PLAAT4: variants seen among roughly 807,000 people sequenced by gnomAD.
PLAAT4 encodes the protein phospholipase A and acyltransferase 4.
A neutral mutation model predicts 14.1 loss-of-function variants in PLAAT4; 12 were observed. That is an observed-to-expected ratio of 0.85 (90% CI 0.54 to 1.37). The LOEUF is 1.37. PLAAT4 is among the 40% of genes most tolerant of loss of function. The pLI is 0.00. For synonymous variants in PLAAT4, 77 were observed against 79.8 expected (o/e 0.96, Z 0.19); for missense variants, 163 against 211.7 (o/e 0.77, Z 1.43).
chr11:63,538,391 C>T (rs1220714128), intron 1 of PLAAT4: 1 of 382,538 alleles, frequency 2.6e-6, no homozygotes, highest in Non-Finnish European at 5.2e-6. Flanking sequence ...GTCACAGAGG[C>T]AGGCATGGGG....
chr11:63,538,695 G>A (rs2017293441), intron 1 of PLAAT4, among the ~76,000 whole-genome samples: 1 of 152,124 alleles, frequency 6.6e-6, no homozygotes, highest in Non-Finnish European at 1.5e-5. Flanking sequence ...GGAAGAAGGT[G>A]GCCAAGACAG....
chr11:63,536,972 C>A, intron 1 of PLAAT4, 95 bp downstream of exon 1: 1 of 1,421,984 alleles, frequency 7.0e-7, no homozygotes, highest in Non-Finnish European at 9.6e-7. Context: ...CTTGGGCACA[C>A]AGCTCCAGAG....
At position 63,544,679 on chromosome 11, in the gene PLAAT4, G is replaced by A. The variant is rs780511760; in HGVS notation, c.177G>A (p.Glu59=). The change falls in exon 3 of 4, where the codon GAG becomes GAA. Residue 59 remains glutamate (E), a synonymous_variant. Transcript: ENST00000255688. ...TCTCAGTCCTGAGCAACAGTGCAGAGGTGAAACGGGAGCGCCTGGAAGATG... is the reference window on the plus strand; with the variant it reads ...TCTCAGTCCTGAGCAACAGTGCAGAAGTGAAACGGGAGCGCCTGGAAGATG... ...SVFSVLSNSA[E]VKRERLEDVV... is the part of the protein sequence containing the mutation. 9 of 1,614,200 alleles carry A rather than the reference G, an allele frequency of 5.6e-6. No homozygotes were observed. In the Admixed American group the frequency reaches 8.3e-5, roughly 15 times the overall value.
chr11:63,545,081 C>G, intron 3 of PLAAT4, 192 bp downstream of exon 3: 1 of 742,080 alleles, frequency 1.3e-6, no homozygotes, highest in Non-Finnish European at 2.2e-6. Context: ...TTCCCTTCCC[C>G]CCAGGCCTCT....
In PLAAT4 at chr11:63,544,795, AG is replaced by A; in HGVS notation, c.294del (p.Met99TrpfsTer6). 6.2e-7 allele frequency: 1 copy of A among 1,614,168 alleles called. No individual in the cohort carries two copies. The highest frequency in any genetic ancestry group is 1.1e-5 in the South Asian group (1 of 91,078). ...PVEVIISSAKEMVGQKMKYSI... is the reference protein window; with the variant it reads ...PVEVIISSAKXMVGQKMKYSI... ...GAGGTGATCATCAGTTCTGCGAAGG[AG>A]ATGGTTGGTCAGAAGATGAAGTACA... On this transcript the variant is annotated frameshift_variant, in exon 3 of 4. Coordinates refer to ENST00000255688, the MANE Select transcript of PLAAT4 (RefSeq NM_004585.5). LOFTEE classifies it high-confidence loss of function.
chr11:63,544,889 G>C lies in PLAAT4; in HGVS notation c.387G>C (p.Gln129His), dbSNP rs1429928463. The change falls in exon 3 of 4, where the codon CAG (glutamine) becomes CAC (histidine). Residue 129 changes from glutamine (Q) to histidine (H), a missense_variant and splice_region_variant. Coordinates refer to ENST00000255688, the MANE Select transcript of PLAAT4 (RefSeq NM_004585.5). The stretch of plus-strand genomic sequence containing the variant: ...GATATGGCAAGTCCCGCTGTAAACA[G>C]GTAAGGACCTCTCTGGATAATCCAT... ...QLRYGKSRCKQVEKAKVEVGV... is the reference protein window; with the variant it reads ...QLRYGKSRCKHVEKAKVEVGV... 6.2e-7 allele frequency: 1 copy of C among 1,614,126 alleles called. No homozygotes were observed. Among genetic ancestry groups the C allele is most frequent in the African/African-American group, 1.3e-5 (1 of 74,944 alleles).
At chr11:63,541,195 C>CTTTT (rs201897796) in intron 2 of PLAAT4, among the ~76,000 whole-genome samples, 1 of 139,432 alleles carries the variant, frequency 7.2e-6, no homozygotes, top group Admixed American at 7.1e-5. Flanking sequence ...TGTAAAGAGG[C>CTTTT]TTTTTTTTTT....
At chr11:63,537,180 G>A (rs1255942676) in intron 1 of PLAAT4, among the ~76,000 whole-genome samples, 1 of 152,166 alleles carries the variant, frequency 6.6e-6, no homozygotes, top group African/African-American at 2.4e-5. Context: ...AGAAGCCAGA[G>A]TGTGGGCAGG....
rs1046148172 is a variant in PLAAT4, at chr11:63,538,343, A to G, written c.10-1173A>G. 1.6e-5 allele frequency: 6 copies of G among 372,432 alleles called. No homozygotes were observed. In the Admixed American group the frequency reaches 2.0e-4, roughly 12 times the overall value. The allele number at this position is 372,432 out of a possible 1,614,324, so 23.1% of individuals were successfully genotyped here. On this transcript the variant is annotated intron_variant, in intron 1 of 3. Coordinates refer to ENST00000255688, the MANE Select transcript of PLAAT4 (RefSeq NM_004585.5). Reference sequence around the variant, plus strand: ...TCTGAGGAGTTGGATATGGAGTGGCAGGGACAGGAGGCAGGGGCTGGTCAG... The same window carrying G: ...TCTGAGGAGTTGGATATGGAGTGGCGGGGACAGGAGGCAGGGGCTGGTCAG...
At chr11:63,540,607 C>T (rs1225484918) in intron 2 of PLAAT4, among the ~76,000 whole-genome samples, 2 of 152,146 alleles carry the variant, frequency 1.3e-5, no homozygotes, top group Non-Finnish European at 2.9e-5. Context: ...GGACGGATCA[C>T]TTGAGGTCAG....
chr11:63,536,816 A>G lies in PLAAT4; in HGVS notation c.-53A>G. On this transcript the variant is annotated 5_prime_UTR_variant, in exon 1 of 4. Coordinates refer to ENST00000255688, the MANE Select transcript of PLAAT4 (RefSeq NM_004585.5). ...TGAAAGTGAAATTCTCTCCTTCAGC[A>G]TAAAAGCTGATCCACAAACAAGAGG... is the stretch of plus-strand genomic sequence containing the variant. 1.9e-6 allele frequency: 3 copies of G among 1,592,138 alleles called. No homozygotes were observed. In the South Asian group the frequency reaches 3.4e-5, roughly 18 times the overall value.
chr11:63,540,619 A>G (rs2017313910), intron 2 of PLAAT4, among the ~76,000 whole-genome samples: 1 of 152,192 alleles, frequency 6.6e-6, no homozygotes, highest in African/African-American at 2.4e-5. Context: ...TGAGGTCAGG[A>G]GTTCAAGACG....
At chr11:63,541,664 T>A (rs2017323225) in intron 2 of PLAAT4, among the ~76,000 whole-genome samples, 1 of 151,720 alleles carries the variant, frequency 6.6e-6, no homozygotes, top group Non-Finnish European at 1.5e-5. Context: ...GGTATGAATA[T>A]ATATTTTGCA....
intron 1 of PLAAT4, among the ~76,000 whole-genome samples, chr11:63,537,494 G>T (rs1243806694): frequency 1.3e-5 from 2 of 152,126 alleles, no homozygotes; most frequent in Non-Finnish European, 2.9e-5. Context: ...ACCATTCCGG[G>T]AAGGAGTCCT....
intron 1 of PLAAT4, among the ~76,000 whole-genome samples, chr11:63,539,198 C>T (rs1241596117): frequency 6.6e-6 from 1 of 152,174 alleles, no homozygotes; most frequent in Non-Finnish European, 1.5e-5. Context: ...AGTCGGCCTA[C>T]TGAGGAGCAT....
At chr11:63,544,922 T>A in intron 3 of PLAAT4, 33 bp downstream of exon 3, 1 of 1,614,036 alleles carries the variant, frequency 6.2e-7, no homozygotes, top group Non-Finnish European at 8.5e-7. Context: ...CATCTCCCTC[T>A]GCTTGGGGCT....
At chr11:63,542,551 C>A (rs1171664666) in intron 2 of PLAAT4, among the ~76,000 whole-genome samples, 1 of 152,144 alleles carries the variant, frequency 6.6e-6, no homozygotes, top group Non-Finnish European at 1.5e-5. Context: ...TGCCCTATTT[C>A]TTTGGTTGCT....
intron 1 of PLAAT4, among the ~76,000 whole-genome samples, chr11:63,537,634 C>T (rs1000466034): frequency 6.6e-6 from 1 of 152,228 alleles, no homozygotes; most frequent in African/African-American, 2.4e-5. Context: ...TGGCCACCAG[C>T]TGAGGTTGCC....
At chr11:63,537,466 G>A (rs1203310694) in intron 1 of PLAAT4, among the ~76,000 whole-genome samples, 1 of 152,144 alleles carries the variant, frequency 6.6e-6, no homozygotes, top group African/African-American at 2.4e-5. Flanking sequence ...CGGGGCTCAG[G>A]CTATTACTAG....
Sources: allele counts gnomAD v4.1 joint callset (sites outside exome capture counted in the v4.1 genomes callset), GRCh38; gene constraint gnomAD v4.1.1; transcripts MANE v1.5; gene names NCBI Gene and HGNC (gene_info 2026-07-23, HGNC 2026-07-21).